DNAH10: variants seen among roughly 807,000 people sequenced by gnomAD.
DNAH10 encodes the protein axonemal beta dynein heavy chain 10.
In DNAH10, 348 loss-of-function variants were observed where a neutral mutation model predicts 506.6. The observed-to-expected ratio is 0.69, with a 90% CI of 0.63 to 0.75. DNAH10 has a LOEUF of 0.75. Ranked by LOEUF, DNAH10 falls within the 30% of genes least tolerant of loss-of-function variation. DNAH10 has a pLI of 0.00. For synonymous variants in DNAH10, 2,059 were observed against 2,198.6 expected, an observed-to-expected ratio of 0.94 and a Z score of 1.78; for missense variants, 5,179 against 5,787.1, an observed-to-expected ratio of 0.89 and a Z score of 3.41.
intron 19 of DNAH10, among the ~76,000 whole-genome samples, 166 bp downstream of exon 19, chr12:123,809,119 C>A (rs905033963): frequency 1.3e-5 from 2 of 152,150 alleles, no homozygotes; most frequent in African/African-American, 4.8e-5. Context: ...GGAAATGGCA[C>A]CAACATCAAA....
At chr12:123,835,308 T>C in intron 27 of DNAH10, 98 bp from the exon 28 acceptor site, 2 of 1,397,990 alleles carry the variant, frequency 1.4e-6, no homozygotes, top group Non-Finnish European at 9.6e-7. Context: ...CCCACCTGAG[T>C]TGATTTGGTT....
Position 123,935,514 on chromosome 12 carries a change from G to A in DNAH10, c.*33G>A, listed in dbSNP as rs779424807. On this transcript the variant is annotated 3_prime_UTR_variant, in exon 79 of 79. Coordinates refer to ENST00000673944, the MANE Select transcript of DNAH10 (RefSeq NM_001372106.1). ...GTGAAGAAAACTGCTTAATGAATTC[G>A]GAGCCTGGGGTTGTCAGAGTGATCG... is the stretch of plus-strand genomic sequence containing the variant. The A allele has an allele frequency of 1.2e-5, 19 of 1,544,450 alleles. No individual in the cohort carries two copies. In the East Asian group the frequency reaches 2.1e-4, roughly 17 times the overall value.
At chr12:123,825,034 A>T (rs1959820691) in intron 24 of DNAH10, among the ~76,000 whole-genome samples, 2 of 152,106 alleles carry the variant, frequency 1.3e-5, no homozygotes, top group African/African-American at 4.8e-5. Context: ...TACGTCCCTA[A>T]AAAAGGAAAG....
chr12:123,875,157 A>G, intron 46 of DNAH10, 74 bp from the exon 47 acceptor site: 5 of 1,502,426 alleles, frequency 3.3e-6, no homozygotes, highest in Non-Finnish European at 3.6e-6. Flanking sequence ...TTGAGCTGGG[A>G]TGGTCAGCCA....
In DNAH10 at chr12:123,851,001, T is replaced by C. The variant is rs1211354797; in HGVS notation, c.6216T>C (p.Pro2072=). The C allele has an allele frequency of 6.2e-7, 1 of 1,613,886 alleles. No homozygotes were observed. The highest frequency in any genetic ancestry group is 2.2e-5 in the East Asian group (1 of 44,870). ...AGTCGGTGAAGGCGCTGTTCAGGCCTGTGGTCGTGATCGTGCCCGACCTGC... is the reference window on the plus strand; with the variant it reads ...AGTCGGTGAAGGCGCTGTTCAGGCCCGTGGTCGTGATCGTGCCCGACCTGC... ...LPESVKALFR[P]VVVIVPDLQQ... The change falls in exon 35 of 79, where the codon CCT becomes CCC. Residue 2072 remains proline, a synonymous_variant. Coordinates refer to ENST00000673944, the MANE Select transcript of DNAH10 (RefSeq NM_001372106.1).
chr12:123,773,984 G>A (rs912175473), intron 4 of DNAH10, among the ~76,000 whole-genome samples, 165 bp from the exon 5 acceptor site: 1 of 152,210 alleles, frequency 6.6e-6, no homozygotes, highest in African/African-American at 2.4e-5. Context: ...CTTCTCATGG[G>A]CCCTCAGATT....
chr12:123,765,441 C>T (rs1956988217), intron 1 of DNAH10, among the ~76,000 whole-genome samples: 1 of 152,138 alleles, frequency 6.6e-6, no homozygotes, highest in Non-Finnish European at 1.5e-5. Flanking sequence ...TAGGGGTAAC[C>T]ACTATTATTA....
chr12:123,798,626 C>T (rs549690282), intron 13 of DNAH10, among the ~76,000 whole-genome samples: 95 of 151,960 alleles, frequency 6.3e-4, no homozygotes, highest in Non-Finnish European at 1.2e-3. Flanking sequence ...ACCAACTCTC[C>T]AAGCTTTGGG....
intron 46 of DNAH10, 111 bp downstream of exon 46, chr12:123,873,821 G>T: frequency 7.3e-7 from 1 of 1,379,074 alleles, no homozygotes. Context: ...TTACCTCTGT[G>T]CAATGTCTGC....
rs918867081 is a variant in DNAH10, at chr12:123,925,374, A to G, written c.11921+170A>G. On this transcript the variant is annotated intron_variant, in intron 68 of 78. Transcript: ENST00000673944. The surrounding 1 kb of genome is among the most constrained non-coding windows in gnomAD (Gnocchi z 4.0). ...TTCTAGAATTCTTCAATATTCTAGA[A>G]CAGTGCTAGTCATAAGAAATTCAGT... 16 of 918,754 alleles carry G rather than the reference A, an allele frequency of 1.7e-5. No homozygotes were observed. The highest frequency in any genetic ancestry group is 2.4e-5 in the Non-Finnish European group (15 of 629,890). The allele number at this position is 918,754 out of a possible 1,614,324, so 56.9% of individuals were successfully genotyped here.
chr12:123,800,100 C>T (rs894733717), intron 14 of DNAH10, 116 bp from the exon 15 acceptor site: 23 of 927,272 alleles, frequency 2.5e-5, no homozygotes, highest in East Asian at 2.5e-4. Context: ...CCAGCACCCC[C>T]GTCTGGTGAA....
chr12:123,867,934 T>C lies in DNAH10; in HGVS notation c.7334T>C (p.Leu2445Ser). The change falls in exon 43 of 79, where the codon TTG becomes TCG. Residue 2445 changes from leucine to serine, a missense_variant. By Grantham distance (145) the Leu-to-Ser change is moderately radical (BLOSUM62 -2). Around this residue, in one of 3 missense-constraint regions of DNAH10, gnomAD observed 4,844 missense variants for 5,430.5 expected, o/e 0.89. Transcript: ENST00000673944. ...CAGTTAGCCAAGATGTTGGATGCGT[T>C]GCTAGAAGGAGAAATAGAAGACCTT... is the stretch of plus-strand genomic sequence containing the variant. ...VTQLAKMLDA[L>S]LEGEIEDLDL... The C allele has an allele frequency of 6.2e-7, 1 of 1,613,892 alleles. No individual in the cohort carries two copies.
intron 25 of DNAH10, among the ~76,000 whole-genome samples, chr12:123,827,941 A>G (rs1487406521): frequency 6.6e-6 from 1 of 152,086 alleles, no homozygotes; most frequent in African/African-American, 2.4e-5. Flanking sequence ...AACTAGGTAG[A>G]AGTAGGCATT....
chr12:123,779,696 A>G (rs1161062986), intron 5 of DNAH10, among the ~76,000 whole-genome samples: 1 of 152,052 alleles, frequency 6.6e-6, no homozygotes, highest in East Asian at 1.9e-4. Context: ...CCAGCTGCCA[A>G]TTTGCAGGAA....
chr12:123,909,539 C>T lies in DNAH10; in HGVS notation c.9997+97C>T, dbSNP rs777891533. 72 of 1,407,360 alleles carry T rather than the reference C, an allele frequency of 5.1e-5. No homozygotes were observed. The highest frequency in any genetic ancestry group is 6.7e-5 in the Non-Finnish European group (71 of 1,057,222). The allele number at this position is 1,407,360 out of a possible 1,614,324, so 87.2% of individuals were successfully genotyped here. On this transcript the variant is annotated intron_variant, in intron 58 of 78. Transcript: ENST00000673944. This position sits in a 1 kb window ranked among gnomAD's most constrained non-coding sequence, Gnocchi z 5.4. ...GGAGGGCAAGGAGGCTTGTCGTGGGCAGGCCCTCCCCTTCTGGTCAGATGG... is the reference window on the plus strand; with the variant it reads ...GGAGGGCAAGGAGGCTTGTCGTGGGTAGGCCCTCCCCTTCTGGTCAGATGG...
At position 123,931,475 on chromosome 12, in the gene DNAH10, A is replaced by G; in HGVS notation, c.12916+3A>G. ...GCTGGAGCTGCAGCCTCAGACAGGT[A>G]AACTCTACTCAGGAGGACTTCATTA... On this transcript the variant is annotated splice_donor_region_variant and intron_variant, in intron 74 of 78. Coordinates refer to ENST00000673944, the MANE Select transcript of DNAH10 (RefSeq NM_001372106.1). The G allele has an allele frequency of 1.2e-6, 2 of 1,613,366 alleles. No homozygotes were observed. Among genetic ancestry groups the G allele is most frequent in the Non-Finnish European group, 1.7e-6 (2 of 1,179,560 alleles).
chr12:123,888,498 G>A (rs908635746), intron 52 of DNAH10, among the ~76,000 whole-genome samples: 1 of 152,164 alleles, frequency 6.6e-6, no homozygotes, highest in Non-Finnish European at 1.5e-5. Flanking sequence ...AGGGAGATTT[G>A]AGACACAGAG....
rs554394480 is a variant in DNAH10 at position 123,854,102 on chromosome 12, G to A, written c.6438+750G>A. On this transcript the variant is annotated intron_variant, in intron 36 of 78. Coordinates refer to ENST00000673944, the MANE Select transcript of DNAH10 (RefSeq NM_001372106.1). The stretch of plus-strand genomic sequence containing the variant: ...TTTTTTTTTTTTTGGAGGGGTCGAA[G>A]GAAGAGTTATTTATGCTCTTACAAA... 4.3e-4 allele frequency among the ~76,000 whole-genome samples: 59 copies of A among 138,682 alleles called. 1 individual carries two copies. In the South Asian group the frequency reaches 0.013, roughly 31 times the overall value. The allele number at this position is 138,682 out of a possible 152,430, so 91.0% of individuals were successfully genotyped here. A position where few individuals can be genotyped will look rare whatever the true frequency, so the allele number is the denominator to read the frequency against.
At chr12:123,817,949 C>CTTTT (rs369200478) in intron 21 of DNAH10, among the ~76,000 whole-genome samples, 1 of 138,316 alleles carries the variant, frequency 7.2e-6, no homozygotes, top group African/African-American at 2.6e-5. Context: ...TTCTTTTTCT[C>CTTTT]TTTTTTTTTT....
Sources: gnomAD v4.1 joint callset for allele counts (sites outside exome capture counted in the v4.1 genomes callset) on GRCh38, gnomAD v4.1.1 for gene constraint, gnomAD v4.1.1 regional missense constraint, Gnocchi (gnomAD v3.1) non-coding constraint, MANE v1.5 for transcripts, NCBI Gene and HGNC (gene_info 2026-07-23, HGNC 2026-07-21) for gene names.